The following CAB39 variants were observed in gnomAD, a reference collection of about 807,000 sequenced individuals.
CAB39 encodes calcium binding protein 39.
In CAB39, 8 loss-of-function variants were observed where a neutral mutation model predicts 40.0. The observed-to-expected ratio is 0.20, with a 90% CI of 0.12 to 0.36. The LOEUF (loss-of-function observed/expected upper bound fraction) is 0.36. CAB39 is among the 10% of genes least tolerant of loss of function. The pLI, the probability that CAB39 is intolerant of heterozygous loss-of-function variation, is 1.00. For synonymous variants in CAB39, 156 were observed against 141.6 expected (o/e 1.10, Z -0.72); for missense variants, 270 against 401.1 (o/e 0.67, Z 2.79).
intron 2 of CAB39, among the ~76,000 whole-genome samples, chr2:230,762,271 T>C (rs1008995081): frequency 1.3e-5 from 2 of 152,064 alleles, no homozygotes; most frequent in African/African-American, 4.8e-5. Flanking sequence ...AATGGGGATA[T>C]AAAAATATGA....
intron 2 of CAB39, among the ~76,000 whole-genome samples, chr2:230,766,344 T>A (rs1357512765): frequency 6.6e-6 from 1 of 152,132 alleles, no homozygotes; most frequent in African/African-American, 2.4e-5. Context: ...AAATACAAGA[T>A]AATTAATGGG....
At chr2:230,725,301 C>T in intron 1 of CAB39, 1 of 1,573,770 alleles carries the variant, frequency 6.4e-7, no homozygotes, top group Non-Finnish European at 8.7e-7. Context: ...CCCCTTTCCT[C>T]CAGCTTCTTG....
chr2:230,760,571 A>G (rs899936798), intron 2 of CAB39, among the ~76,000 whole-genome samples: 1 of 152,176 alleles, frequency 6.6e-6, no homozygotes, highest in Non-Finnish European at 1.5e-5. Context: ...GTATACTTGA[A>G]AGAAGGCCAA....
chr2:230,814,491 C>T (rs1696364464), intron 7 of CAB39, among the ~76,000 whole-genome samples: 1 of 152,172 alleles, frequency 6.6e-6, no homozygotes, highest in South Asian at 2.1e-4. Context: ...AGGCGATGTG[C>T]GTGTGAGGCT....
chr2:230,795,102 C>T (rs551766812), intron 4 of CAB39, among the ~76,000 whole-genome samples: 17 of 152,100 alleles, frequency 1.1e-4, no homozygotes, highest in African/African-American at 3.9e-4. Context: ...ATGGTGAAAC[C>T]CCGCCTCTAC....
intron 5 of CAB39, 130 bp downstream of exon 5, chr2:230,799,027 T>A (rs576594553): frequency 9.7e-5 from 64 of 661,344 alleles, no homozygotes; most frequent in Non-Finnish European, 6.5e-5. Flanking sequence ...ATTTTGTATA[T>A]GTTTGTGTGA....
intron 2 of CAB39, among the ~76,000 whole-genome samples, chr2:230,762,350 C>T (rs953066738): frequency 1.3e-5 from 2 of 152,216 alleles, no homozygotes; most frequent in Non-Finnish European, 2.9e-5. Flanking sequence ...GACTGAACCA[C>T]ATTAACATCT....
rs150775952 is a variant in CAB39 at position 230,749,948 on chromosome 2, C to T, written c.-43-10011C>T. Among the ~76,000 whole-genome samples the T allele has an allele frequency of 2.2e-3, 332 of 152,278 alleles. 2 individuals carry two copies. Among genetic ancestry groups the T allele is most frequent in the Middle Eastern group, 0.014 (4 of 294 alleles). On this transcript the variant is annotated intron_variant, in intron 1 of 8. Transcript: ENST00000258418. ...CTAAAAACCTGCTTTGAAGTCCCAG[C>T]TTTTTCGCTTTACTAGCTAGTTTCA...
chr2:230,752,211 G>C (rs565695448), intron 1 of CAB39: 1 of 150,966 alleles, frequency 6.6e-6, no homozygotes, highest in South Asian at 2.1e-4. Flanking sequence ...CCCTGCACAA[G>C]GATGACACAC....
At chr2:230,802,138 C>T (rs1696101181) in intron 5 of CAB39, among the ~76,000 whole-genome samples, 1 of 152,116 alleles carries the variant, frequency 6.6e-6, no homozygotes, top group Non-Finnish European at 1.5e-5. Context: ...TACATGGAAA[C>T]TGAACAACCT....
rs1575900861 is a variant in CAB39, at chr2:230,725,430, A to G, written c.-44+12200A>G. ...TTGATCAGGCTTAATCCGCAACTTCAGTTCCCGTAACGGTTCCTCCCGCCA... is the reference window on the plus strand; with the variant it reads ...TTGATCAGGCTTAATCCGCAACTTCGGTTCCCGTAACGGTTCCTCCCGCCA... On this transcript the variant is annotated intron_variant, in intron 1 of 8. Coordinates refer to ENST00000258418, the MANE Select transcript of CAB39 (RefSeq NM_016289.4). 3.2e-6 allele frequency: 5 copies of G among 1,562,442 alleles called. No individual in the cohort carries two copies. The South Asian group carries it at 3.4e-5, about 10-fold the overall frequency.
At chr2:230,753,160 A>G (rs1695119387) in intron 1 of CAB39, among the ~76,000 whole-genome samples, 1 of 152,218 alleles carries the variant, frequency 6.6e-6, no homozygotes, top group East Asian at 1.9e-4. Context: ...TGGGAGAGAG[A>G]AGAAAACAAC....
intron 3 of CAB39, among the ~76,000 whole-genome samples, chr2:230,792,803 A>T (rs915899985): frequency 2.6e-5 from 4 of 152,152 alleles, no homozygotes; most frequent in Non-Finnish European, 5.9e-5. Context: ...TTCCATCACT[A>T]TGAAAGGAAA....
chr2:230,734,954 G>A (rs951634180), intron 1 of CAB39, among the ~76,000 whole-genome samples: 2 of 152,164 alleles, frequency 1.3e-5, no homozygotes, highest in African/African-American at 4.8e-5. Context: ...TGTGTTTTCT[G>A]TTGAATCATA....
chr2:230,798,959 C>A, intron 5 of CAB39, 62 bp downstream of exon 5: 1 of 1,234,762 alleles, frequency 8.1e-7, no homozygotes, highest in Non-Finnish European at 1.1e-6. Context: ...TTTTTCTAAA[C>A]CTTCATTGCC....
intron 1 of CAB39, among the ~76,000 whole-genome samples, chr2:230,754,457 CCCTCCTTCTTCCCCT>C (rs1169661285): frequency 7.4e-6 from 1 of 135,090 alleles, no homozygotes; most frequent in African/African-American, 3.3e-5. Flanking sequence ...CTTCCCCTTT[CCCTCCTTCTTCCCCT>C]CCTACTCCTT....
intron 2 of CAB39, among the ~76,000 whole-genome samples, chr2:230,779,762 T>TAA (rs1325212724): frequency 6.6e-6 from 1 of 152,170 alleles, no homozygotes; most frequent in Admixed American, 6.5e-5. Context: ...TTATAGCACT[T>TAA]ACAAGGTCAG....
Position 230,817,199 on chromosome 2 carries a change from G to A in CAB39, c.694-555G>A, listed in dbSNP as rs928228950. Among the ~76,000 whole-genome samples, 5 of 152,096 alleles carry A rather than the reference G, an allele frequency of 3.3e-5. No homozygotes were observed. In the East Asian group the frequency reaches 9.6e-4, roughly 29 times the overall value. On this transcript the variant is annotated intron_variant, in intron 7 of 8. Coordinates refer to ENST00000258418, the MANE Select transcript of CAB39 (RefSeq NM_016289.4). ...ACTGGATTATCTTCAGGAGACCTAA[G>A]AAGGAGCAGAAAAATACTCACTTGT...
rs371921279 is a variant in CAB39 at position 230,817,888 on chromosome 2, C to A, written c.828C>A (p.His276Gln). ...GCAACATCCAGTTTGAGGCCTTTCACGTTTTTAAGGTAGAGTACTAGAAGC... is the reference window on the plus strand; with the variant it reads ...GCAACATCCAGTTTGAGGCCTTTCAAGTTTTTAAGGTAGAGTACTAGAAGC... ...KSRNIQFEAF[H>Q]VFKVFVANPN... Residue 276 changes from histidine to glutamine, a missense_variant, in exon 8 of 9, where the codon CAC becomes CAA. His to Gln is a conservative substitution (Grantham distance 24, BLOSUM62 0). Transcript: ENST00000258418. The A allele has an allele frequency of 1.9e-6, 3 of 1,610,524 alleles. No individual in the cohort carries two copies. Among genetic ancestry groups the A allele is most frequent in the Non-Finnish European group, 1.7e-6 (2 of 1,179,054 alleles).
Sources: allele counts gnomAD v4.1 joint callset (sites outside exome capture counted in the v4.1 genomes callset), GRCh38; gene constraint gnomAD v4.1.1; transcripts MANE v1.5; gene names NCBI Gene and HGNC (gene_info 2026-07-23, HGNC 2026-07-21).